The following SPTLC1 variants were observed in gnomAD, a reference collection of about 807,000 sequenced individuals.
The protein encoded by SPTLC1 is serine palmitoyltransferase 1.
Under a neutral mutation model 68.9 loss-of-function variants are expected in SPTLC1, and 55 were observed. That is an observed-to-expected ratio of 0.80 (90% CI 0.64 to 1.00). The LOEUF (loss-of-function observed/expected upper bound fraction) is 1.00. Among genes scored for constraint, SPTLC1 ranks in the 50% least tolerant of loss-of-function variants. The pLI, the probability that SPTLC1 is intolerant of heterozygous loss-of-function variation, is 0.00. For synonymous variants in SPTLC1, 197 were observed against 201.6 expected, an observed-to-expected ratio of 0.98 and a Z score of 0.19; for missense variants, 449 against 573.1, an observed-to-expected ratio of 0.78 and a Z score of 2.21.
chr9:92,047,428 A>G (rs1003139458), intron 10 of SPTLC1, among the ~76,000 whole-genome samples, 160 bp from the exon 11 acceptor site: 1 of 152,238 alleles, frequency 6.6e-6, no homozygotes, highest in Non-Finnish European at 1.5e-5. Context: ...AACAGCAACA[A>G]GACTTTTTGT....
At chr9:92,047,845 A>T (rs1302842857) in intron 9 of SPTLC1, 137 bp from the exon 10 acceptor site, 4 of 670,640 alleles carry the variant, frequency 6.0e-6, no homozygotes, top group Non-Finnish European at 1.1e-5. Flanking sequence ...ACATGAAAAT[A>T]AAAAATAAAC....
intron 3 of SPTLC1, among the ~76,000 whole-genome samples, chr9:92,083,951 C>T (rs1835005854): frequency 6.6e-6 from 1 of 152,144 alleles, no homozygotes. Context: ...TGAAGGGGTC[C>T]TTCATGTCCC....
intron 3 of SPTLC1, among the ~76,000 whole-genome samples, chr9:92,100,975 T>G (rs1835727424): frequency 6.6e-6 from 1 of 152,126 alleles, no homozygotes; most frequent in Non-Finnish European, 1.5e-5. Context: ...CATAAGCCAC[T>G]CTATACAATT....
chr9:92,036,646 C>G (rs554929240), intron 13 of SPTLC1, among the ~76,000 whole-genome samples: 1 of 152,276 alleles, frequency 6.6e-6, no homozygotes, highest in African/African-American at 2.4e-5. Context: ...CCCGCTGGGG[C>G]AAGTCCATTG....
At chr9:92,075,865 T>C (rs1290299300) in intron 5 of SPTLC1, among the ~76,000 whole-genome samples, 1 of 152,144 alleles carries the variant, frequency 6.6e-6, no homozygotes, top group Non-Finnish European at 1.5e-5. Context: ...CAAATCCTAA[T>C]CCACACAACT....
intron 3 of SPTLC1, among the ~76,000 whole-genome samples, chr9:92,096,730 GA>G: frequency 6.6e-6 from 1 of 152,248 alleles, no homozygotes; most frequent in Non-Finnish European, 1.5e-5. Flanking sequence ...TAAACTGTTA[GA>G]AGACAGGAAA....
At chr9:92,087,271 T>C (rs1835180827) in intron 3 of SPTLC1, among the ~76,000 whole-genome samples, 1 of 152,262 alleles carries the variant, frequency 6.6e-6, no homozygotes, top group Non-Finnish European at 1.5e-5. Context: ...TCCAGCTTTG[T>C]TCCATTGCTT....
At chr9:92,106,255 T>C (rs1236055769) in intron 3 of SPTLC1, among the ~76,000 whole-genome samples, 1 of 151,976 alleles carries the variant, frequency 6.6e-6, no homozygotes, top group Non-Finnish European at 1.5e-5. Context: ...TACTTTTTAA[T>C]TAAAAAAAAG....
intron 3 of SPTLC1, chr9:92,105,563 C>T (rs1835931566): frequency 1.8e-6 from 1 of 563,046 alleles, no homozygotes; most frequent in Non-Finnish European, 3.1e-6. Flanking sequence ...TGCCCGGCTG[C>T]TCCACCATCT....
At chr9:92,043,774 A>AT (rs979073166) in intron 12 of SPTLC1, among the ~76,000 whole-genome samples, 1 of 151,954 alleles carries the variant, frequency 6.6e-6, no homozygotes, top group Admixed American at 6.6e-5. Flanking sequence ...TGTTCAATGT[A>AT]TTTTTTCACA....
chr9:92,095,931 C>G (rs1436116816), intron 3 of SPTLC1, among the ~76,000 whole-genome samples: 3 of 152,208 alleles, frequency 2.0e-5, no homozygotes, highest in Non-Finnish European at 2.9e-5. Flanking sequence ...GGCTGGGTGC[C>G]TAGACAACAG....
chr9:92,111,807 T>C (rs1432343610), intron 2 of SPTLC1: 4 of 152,368 alleles, frequency 2.6e-5, no homozygotes, highest in South Asian at 2.1e-4. Context: ...AATTGTCTGC[T>C]GCAATGCAAA....
rs189582528 is a variant in SPTLC1 at position 92,032,341 on chromosome 9, T to G, written c.*124A>C. 5 of 1,563,140 alleles carry G rather than the reference T, an allele frequency of 3.2e-6. No individual in the cohort carries two copies. The East Asian group carries it at 1.2e-4, about 37-fold the overall frequency. On this transcript the variant is annotated 3_prime_UTR_variant, in exon 15 of 15. Transcript: ENST00000262554. Reference sequence around the variant, plus strand: ...CACAATTGGTCCATACTGACACCATTTGGTAACAATCCTATCAAAGATCCA... The same window carrying G: ...CACAATTGGTCCATACTGACACCATGTGGTAACAATCCTATCAAAGATCCA...
At chr9:92,110,538 T>A (rs1281501962) in intron 2 of SPTLC1, 1 of 152,216 alleles carries the variant, frequency 6.6e-6, no homozygotes, top group African/African-American at 2.4e-5. Flanking sequence ...ATTAAATGAT[T>A]TCGACTCATT....
At chr9:92,104,218 A>G (rs754141676) in intron 3 of SPTLC1, among the ~76,000 whole-genome samples, 2 of 152,112 alleles carry the variant, frequency 1.3e-5, no homozygotes, top group South Asian at 4.1e-4. Flanking sequence ...CTCACTAAGC[A>G]TATTTTGTTC....
At chr9:92,101,102 CTAAA>C (rs937491992) in intron 3 of SPTLC1, among the ~76,000 whole-genome samples, 8 of 152,150 alleles carry the variant, frequency 5.3e-5, no homozygotes, top group African/African-American at 1.7e-4. Flanking sequence ...CAAAGTTACC[CTAAA>C]TAAATGGAAA....
At chr9:92,043,753 G>A (rs1283010410) in intron 12 of SPTLC1, among the ~76,000 whole-genome samples, 1 of 152,192 alleles carries the variant, frequency 6.6e-6, no homozygotes, top group East Asian at 1.9e-4. Context: ...CCCTGCTTCT[G>A]TTCTTACTGC....
At chr9:92,100,742 C>T (rs1398260853) in intron 3 of SPTLC1, among the ~76,000 whole-genome samples, 2 of 151,894 alleles carry the variant, frequency 1.3e-5, no homozygotes. Context: ...TCTCCCCCAG[C>T]CCCCAGTCCT....
chr9:92,052,024 A>G (rs185414131), intron 8 of SPTLC1, among the ~76,000 whole-genome samples: 30 of 152,346 alleles, frequency 2.0e-4, no homozygotes, highest in African/African-American at 6.7e-4. Flanking sequence ...ATACTTCCCA[A>G]TGTGACTACA....
Sources: allele counts gnomAD v4.1 joint callset (sites outside exome capture counted in the v4.1 genomes callset), GRCh38; gene constraint gnomAD v4.1.1; transcripts MANE v1.5; gene names NCBI Gene and HGNC (gene_info 2026-07-23, HGNC 2026-07-21).